The following ADAM28 variants were observed in gnomAD, a reference collection of about 807,000 sequenced individuals.
ADAM28 encodes the protein ADAM metallopeptidase domain 28, also known as disintegrin and metalloproteinase domain-containing protein 28.
Under a neutral mutation model 101.2 loss-of-function variants are expected in ADAM28, and 105 were observed. The observed-to-expected ratio is 1.04, with a 90% CI of 0.89 to 1.22. ADAM28 has a LOEUF of 1.22. ADAM28 is among the 50% of genes most tolerant of loss of function. ADAM28 has a pLI of 0.00. For missense variants in ADAM28, 1,028 were observed against 945.4 expected (o/e 1.09, Z -1.15); for synonymous variants, 322 against 310.6 (o/e 1.04, Z -0.39).
chr8:24,336,039 G>GGTGTGT lies in ADAM28; in HGVS notation c.1567+414_1567+419dup, dbSNP rs71212527. 36 of 852,218 alleles carry GGTGTGT rather than the reference G, an allele frequency of 4.2e-5. No homozygotes were observed. The Middle Eastern group carries it at 2.4e-3, about 56-fold the overall frequency. The allele number at this position is 852,218 out of a possible 1,614,324, so 52.8% of individuals were successfully genotyped here. A position where few individuals can be genotyped will look rare whatever the true frequency, so the allele number is the denominator to read the frequency against. On this transcript the variant is annotated intron_variant, in intron 14 of 22. Coordinates refer to ENST00000265769, the MANE Select transcript of ADAM28 (RefSeq NM_014265.6). ...ACCCTTGGAAATCTGTGTGTGTGCG[G>GGTGTGT]GTGTGTGTGTGTGTGTGTGTGCAGG...
chr8:24,307,912 G>A (rs548511400), intron 2 of ADAM28, among the ~76,000 whole-genome samples: 6 of 152,184 alleles, frequency 3.9e-5, no homozygotes, highest in Non-Finnish European at 8.8e-5. Context: ...TTTACTGTAA[G>A]TTTTGAACAA....
At chr8:24,297,804 A>G (rs1173686298) in intron 1 of ADAM28, among the ~76,000 whole-genome samples, 1 of 152,262 alleles carries the variant, frequency 6.6e-6, no homozygotes, top group East Asian at 1.9e-4. Flanking sequence ...TACAATAATT[A>G]GAAAAATTTT....
chr8:24,309,962 A>G lies in ADAM28; in HGVS notation c.219A>G (p.Lys73=), dbSNP rs749002895. ...INGKIAVLYL[K]KNKNLLAPGY... is the part of the protein sequence containing the mutation. ...GAAAAATTGCAGTGCTTTATTTGAA[A>G]AAAAACAAGTAAGTATCTTTACCTG... The change falls in exon 3 of 23, where the codon AAA becomes AAG. Residue 73 remains lysine (K), a synonymous_variant. Coordinates refer to ENST00000265769, the MANE Select transcript of ADAM28 (RefSeq NM_014265.6). 2.8e-5 allele frequency: 43 copies of G among 1,561,692 alleles called. No individual in the cohort carries two copies. The highest frequency in any genetic ancestry group is 3.4e-5 in the Non-Finnish European group (39 of 1,133,746).
At chr8:24,304,703 A>G (rs1479105484) in intron 2 of ADAM28, among the ~76,000 whole-genome samples, 2 of 151,978 alleles carry the variant, frequency 1.3e-5, no homozygotes, top group Non-Finnish European at 2.9e-5. Flanking sequence ...TGTCTCTATC[A>G]AAAATACAAA....
chr8:24,306,364 A>AT (rs1491499929), intron 2 of ADAM28, among the ~76,000 whole-genome samples: 1 of 111,384 alleles, frequency 9.0e-6, no homozygotes, highest in Non-Finnish European at 1.9e-5. Flanking sequence ...AAATAAATAA[A>AT]TATATATATA....
chr8:24,309,949 T>A lies in ADAM28; in HGVS notation c.206T>A (p.Val69Glu). 1 of 1,568,358 alleles carries A rather than the reference T, an allele frequency of 6.4e-7. No individual in the cohort carries two copies. The highest frequency in any genetic ancestry group is 1.1e-5 in the South Asian group (1 of 89,058). The change falls in exon 3 of 23, where the codon GTG becomes GAG. Residue 69 changes from valine to glutamate, a missense_variant. By Grantham distance (121) the Val-to-Glu change is moderately radical. Coordinates refer to ENST00000265769, the MANE Select transcript of ADAM28 (RefSeq NM_014265.6). ...ATGACAATTAATGGAAAAATTGCAG[T>A]GCTTTATTTGAAAAAAAACAAGTAA... ...YKMTINGKIA[V>E]LYLKKNKNLL...
chr8:24,311,556 G>T, intron 5 of ADAM28, 119 bp downstream of exon 5: 2 of 655,894 alleles, frequency 3.0e-6, no homozygotes, highest in Non-Finnish European at 2.3e-6. Context: ...AAATCATAAG[G>T]GCCATAACAT....
At position 24,358,629 on chromosome 8, in the gene ADAM28, C is replaced by T. The variant is rs1367793372; in HGVS notation, c.*4225C>T. 1 of 151,746 alleles carries T rather than the reference C, an allele frequency of 6.6e-6. No individual in the cohort carries two copies. Among genetic ancestry groups the T allele is most frequent in the East Asian group, 1.9e-4 (1 of 5,172 alleles). 9.4% of individuals were successfully genotyped at this position (151,746 alleles called of 1,614,324 possible). A position where few individuals can be genotyped will look rare whatever the true frequency, so the allele number is the denominator to read the frequency against. ...TTTGCTGCTTCCATAAAAAGGCTTT[C>T]CCTTGACAATGTTAGGCACTTTTTA... is the stretch of plus-strand genomic sequence containing the variant. On this transcript the variant is annotated 3_prime_UTR_variant, in exon 23 of 23. Coordinates refer to ENST00000265769, the MANE Select transcript of ADAM28 (RefSeq NM_014265.6).
Position 24,355,932 on chromosome 8 carries a change from T to C in ADAM28, c.*1528T>C, listed in dbSNP as rs533053634. 6.6e-6 allele frequency: 1 copy of C among 152,268 alleles called. No homozygotes were observed. Among genetic ancestry groups the C allele is most frequent in the African/African-American group, 2.4e-5 (1 of 41,556 alleles). The allele number at this position is 152,268 out of a possible 1,614,324, so 9.4% of individuals were successfully genotyped here. A position where few individuals can be genotyped will look rare whatever the true frequency, so the allele number is the denominator to read the frequency against. ...ACAGCTACAGTTTTTCTTGTATTTG[T>C]CTGCTTCACCCATTTCTATCAATCA... is the stretch of plus-strand genomic sequence containing the variant. On this transcript the variant is annotated 3_prime_UTR_variant, in exon 23 of 23. Transcript: ENST00000265769.
At position 24,357,346 on chromosome 8, in the gene ADAM28, T is replaced by A. The variant is rs1291675016; in HGVS notation, c.*2942T>A. ...ACAAACATTTTCTATTAGTCTGTTT[T>A]CACATGGCTATAAAGAATACCACCT... On this transcript the variant is annotated 3_prime_UTR_variant, in exon 23 of 23. Coordinates refer to ENST00000265769, the MANE Select transcript of ADAM28 (RefSeq NM_014265.6). 1 of 152,344 alleles carries A rather than the reference T, an allele frequency of 6.6e-6. No individual in the cohort carries two copies. The highest frequency in any genetic ancestry group is 1.9e-4 in the East Asian group (1 of 5,186). The allele number at this position is 152,344 out of a possible 1,614,324, so 9.4% of individuals were successfully genotyped here. A position where few individuals can be genotyped will look rare whatever the true frequency, so the allele number is the denominator to read the frequency against.
chr8:24,316,953 C>G (rs763154360), intron 6 of ADAM28, among the ~76,000 whole-genome samples: 31 of 151,772 alleles, frequency 2.0e-4, no homozygotes, highest in Non-Finnish European at 2.9e-4. Flanking sequence ...TCAAGAACAC[C>G]ATTCCATTTA....
chr8:24,318,203 A>C (rs1230787574), intron 6 of ADAM28, among the ~76,000 whole-genome samples: 1 of 151,980 alleles, frequency 6.6e-6, no homozygotes, highest in Non-Finnish European at 1.5e-5. Context: ...TGTGAATATC[A>C]ACTCCTGGGT....
At chr8:24,352,976 A>AAAT (rs775960083) in intron 21 of ADAM28, among the ~76,000 whole-genome samples, 1 of 152,114 alleles carries the variant, frequency 6.6e-6, no homozygotes, top group Non-Finnish European at 1.5e-5. Flanking sequence ...TGCTCATTGC[A>AAAT]AATACTGTCT....
chr8:24,324,099 C>A, intron 9 of ADAM28, 96 bp downstream of exon 9: 4 of 1,129,094 alleles, frequency 3.5e-6, no homozygotes, highest in Non-Finnish European at 5.0e-6. Context: ...GAGGGGTAGA[C>A]ATTTATAGAG....
At chr8:24,322,308 T>C (rs1811984633) in intron 8 of ADAM28, among the ~76,000 whole-genome samples, 1 of 151,866 alleles carries the variant, frequency 6.6e-6, no homozygotes, top group Non-Finnish European at 1.5e-5. Flanking sequence ...GCGCAAGGTG[T>C]TTGGACAAGA....
chr8:24,348,315 C>T (rs903236999), intron 18 of ADAM28, among the ~76,000 whole-genome samples: 1 of 152,120 alleles, frequency 6.6e-6, no homozygotes, highest in Non-Finnish European at 1.5e-5. Flanking sequence ...TACCCAGCAA[C>T]TCCCACTCCT....
At chr8:24,325,875 A>AAAAAAAAAAAAAAAAAAAAAAAC (rs1812493724) in intron 9 of ADAM28, among the ~76,000 whole-genome samples, 1 of 120,676 alleles carries the variant, frequency 8.3e-6, no homozygotes, top group Non-Finnish European at 1.8e-5. Flanking sequence ...AGATAGCAAA[A>AAAAAAAAAAAAAAAAAAAAAAAC]AAAAAAAAAA....
intron 20 of ADAM28, 124 bp downstream of exon 20, chr8:24,351,434 G>A: frequency 9.8e-7 from 1 of 1,022,032 alleles, no homozygotes; most frequent in Non-Finnish European, 1.5e-6. Flanking sequence ...ATTCAGAAAT[G>A]TCTCCTTTGC....
intron 2 of ADAM28, among the ~76,000 whole-genome samples, chr8:24,305,460 T>TC (rs1809464447): frequency 7.0e-6 from 1 of 142,414 alleles, no homozygotes; most frequent in South Asian, 2.2e-4. Flanking sequence ...TCTTTTTTTT[T>TC]TTTTTTTTTT....
Sources: gnomAD v4.1 joint callset for allele counts (sites outside exome capture counted in the v4.1 genomes callset) on GRCh38, gnomAD v4.1.1 for gene constraint, MANE v1.5 for transcripts, NCBI Gene and HGNC (gene_info 2026-07-23, HGNC 2026-07-21) for gene names.